The following C1QTNF2 variants were observed in gnomAD, a reference collection of about 807,000 sequenced individuals.
The protein encoded by C1QTNF2 is C1q and TNF related 2, also known as complement C1q tumor necrosis factor-related protein 2.
Under a neutral mutation model 17.4 loss-of-function variants are expected in C1QTNF2, and 15 were observed. The ratio of observed to expected loss-of-function variants is 0.86; its 90% confidence interval spans 0.58 to 1.33. The LOEUF is 1.33. C1QTNF2 is among the 40% of genes most tolerant of loss of function. The probability of loss-of-function intolerance (pLI) is 0.00; values close to 1 mark genes in which losing one functional copy is unlikely to be tolerated. For synonymous variants in C1QTNF2, 154 were observed against 163.3 expected, an observed-to-expected ratio of 0.94 and a Z score of 0.44; for missense variants, 381 against 392.3, an observed-to-expected ratio of 0.97 and a Z score of 0.24.
Position 160,358,094 on chromosome 5 carries a change from G to C in C1QTNF2, c.-9-3074C>G, listed in dbSNP as rs114042964. 6.8e-3 allele frequency among the ~76,000 whole-genome samples: 1,040 copies of C among 152,376 alleles called. 4 individuals carry two copies. The highest frequency in any genetic ancestry group is 0.012 in the South Asian group (60 of 4,834). ...GAAAGCTGGTTTGGGGCAGGCCCCA[G>C]TGCCTGGGTGGAAGGGTGTGTGTCT... On this transcript the variant is annotated intron_variant, in intron 1 of 2. Coordinates refer to ENST00000652664, the MANE Select transcript of C1QTNF2 (RefSeq NM_031908.6).
chr5:160,369,074 A>C (rs1041365571), intron 1 of C1QTNF2, among the ~76,000 whole-genome samples: 1 of 145,466 alleles, frequency 6.9e-6, no homozygotes, highest in Non-Finnish European at 1.5e-5. Context: ...AAAAAAAAAA[A>C]CAGCACAAAT....
chr5:160,352,693 G>A (rs536756519), intron 2 of C1QTNF2, among the ~76,000 whole-genome samples: 13 of 152,306 alleles, frequency 8.5e-5, no homozygotes, highest in Admixed American at 2.6e-4. Flanking sequence ...GTCTGCCGCC[G>A]TGGTCAGGAA....
In C1QTNF2 at chr5:160,349,748, G is replaced by C. The variant is rs1561820795; in HGVS notation, c.278C>G (p.Pro93Arg). The change falls in exon 3 of 3, where the codon CCA (proline) becomes CGA (arginine). Residue 93 changes from proline to arginine, a missense_variant. Physicochemically the swap from Pro to Arg is moderately radical, Grantham distance 103 (BLOSUM62 -2). Coordinates refer to ENST00000652664, the MANE Select transcript of C1QTNF2 (RefSeq NM_031908.6). The surrounding 1 kb of genome is among the most constrained non-coding windows in gnomAD (Gnocchi z 4.3). ...PPGRTGNRGK[P>R]GPKGKAGAIG... ...GGCCCCGGCTTTGCCCTTTGGTCCT[G>C]GCTTTCCCCGGTTACCTGTCCGGCC... The C allele has an allele frequency of 6.5e-7, 1 of 1,536,226 alleles. No homozygotes were observed. The highest frequency in any genetic ancestry group is 8.7e-7 in the Non-Finnish European group (1 of 1,151,274).
At chr5:160,356,067 C>T (rs1405899658) in intron 1 of C1QTNF2, among the ~76,000 whole-genome samples, 2 of 152,198 alleles carry the variant, frequency 1.3e-5, no homozygotes, top group African/African-American at 4.8e-5. Flanking sequence ...GTGCTATGCA[C>T]CTGGAGGTAT....
At position 160,357,260 on chromosome 5, in the gene C1QTNF2, G is replaced by T. The variant is rs562739900; in HGVS notation, c.-9-2240C>A. Among the ~76,000 whole-genome samples, 13 of 152,318 alleles carry T rather than the reference G, an allele frequency of 8.5e-5. No individual in the cohort carries two copies. In the South Asian group the frequency reaches 2.1e-3, roughly 24 times the overall value. On this transcript the variant is annotated intron_variant, in intron 1 of 2. Transcript: ENST00000652664. ...ACCTTCGAATGGAAATTGAGGTGTG[G>T]GTTGCCTGGGAGTGGAGACTTCAAC...
At chr5:160,366,893 G>A (rs1764257014) in intron 1 of C1QTNF2, among the ~76,000 whole-genome samples, 1 of 134,422 alleles carries the variant, frequency 7.4e-6, no homozygotes, top group Non-Finnish European at 1.8e-5. Flanking sequence ...GCGTGGTGGT[G>A]CATGCCTGTA....
intron 1 of C1QTNF2, among the ~76,000 whole-genome samples, chr5:160,361,691 G>A (rs552284138): frequency 2.0e-5 from 3 of 152,260 alleles, no homozygotes; most frequent in African/African-American, 4.8e-5. Context: ...AACGCTCCAC[G>A]GTTGGAAAGA....
chr5:160,353,309 G>T (rs1004660178), intron 2 of C1QTNF2, among the ~76,000 whole-genome samples: 1 of 152,202 alleles, frequency 6.6e-6, no homozygotes, highest in African/African-American at 2.4e-5. Context: ...ACTGAAAAGT[G>T]CTTGGTTGCT....
At position 160,349,111 on chromosome 5, in the gene C1QTNF2, C is replaced by T. The variant is rs1479959445; in HGVS notation, c.*57G>A. The stretch of plus-strand genomic sequence containing the variant: ...CCCAGCCTACAGTTGTGGGGTCTTG[C>T]TCTGTAAGCCCAAGTCCAGAAGCTT... On this transcript the variant is annotated 3_prime_UTR_variant, in exon 3 of 3. Transcript: ENST00000652664. This position sits in a 1 kb window ranked among gnomAD's most constrained non-coding sequence, Gnocchi z 4.3. 3.2e-6 allele frequency: 5 copies of T among 1,551,474 alleles called. No homozygotes were observed. The highest frequency in any genetic ancestry group is 1.3e-5 in the South Asian group (1 of 79,706).
Position 160,370,589 on chromosome 5 carries a change from C to A in C1QTNF2, c.-87G>T. On this transcript the variant is annotated 5_prime_UTR_variant, in exon 1 of 3. The change abolishes the stop of an existing upstream ORF in the 5' untranslated region. Coordinates refer to ENST00000652664, the MANE Select transcript of C1QTNF2 (RefSeq NM_031908.6). ...CGGGGCTCCGCGTCCCGGCTTTCCT[C>A]AGCGGCAGCAGCCGGGCAGAGCGTC... The A allele has an allele frequency of 6.9e-7, 1 of 1,451,358 alleles. No individual in the cohort carries two copies. 89.9% of individuals were successfully genotyped at this position (1,451,358 alleles called of 1,614,324 possible). A position where few individuals can be genotyped will look rare whatever the true frequency, so the allele number is the denominator to read the frequency against.
chr5:160,357,084 G>T (rs1764064908), intron 1 of C1QTNF2, among the ~76,000 whole-genome samples: 1 of 152,202 alleles, frequency 6.6e-6, no homozygotes, highest in Non-Finnish European at 1.5e-5. Flanking sequence ...ACACAGAGCA[G>T]TCTAGGCCCG....
intron 1 of C1QTNF2, among the ~76,000 whole-genome samples, chr5:160,363,406 T>G (rs1764188925): frequency 6.6e-6 from 1 of 152,226 alleles, no homozygotes; most frequent in Non-Finnish European, 1.5e-5. Flanking sequence ...TTAAAAGTCC[T>G]GGGGCCCACT....
intron 1 of C1QTNF2, among the ~76,000 whole-genome samples, chr5:160,357,946 C>A (rs943175646): frequency 1.2e-4 from 19 of 152,214 alleles, no homozygotes; most frequent in African/African-American, 4.3e-4. Context: ...GCTGACAACT[C>A]CCCTCTCTCT....
chr5:160,357,103 G>C (rs775874077), intron 1 of C1QTNF2, among the ~76,000 whole-genome samples: 6 of 152,122 alleles, frequency 3.9e-5, no homozygotes, highest in African/African-American at 1.4e-4. Flanking sequence ...CGCCCCAGTC[G>C]TGAAACATCT....
intron 2 of C1QTNF2, 137 bp downstream of exon 2, chr5:160,354,631 T>TATATATATATATATATATATATATAG: frequency 4.5e-6 from 1 of 223,554 alleles, no homozygotes. Context: ...TATATATATA[T>TATATATATATATATATATATATATAG]ATAGATTTAT....
intron 1 of C1QTNF2, among the ~76,000 whole-genome samples, chr5:160,361,534 C>T (rs576021307): frequency 1.6e-4 from 24 of 152,268 alleles, no homozygotes; most frequent in East Asian, 5.8e-4. Context: ...CATTTAACTC[C>T]GTGGTTAAGA....
intron 2 of C1QTNF2, among the ~76,000 whole-genome samples, chr5:160,351,422 T>C (rs1254429627): frequency 6.6e-6 from 1 of 152,246 alleles, no homozygotes; most frequent in Non-Finnish European, 1.5e-5. Context: ...CTTTGTTTCT[T>C]ATACATTTGT....
Position 160,370,379 on chromosome 5 carries a change from G to T in C1QTNF2, c.-10+133C>A, listed in dbSNP as rs1053456827. The T allele has an allele frequency of 3.6e-4, 416 of 1,167,396 alleles. 5 individuals are homozygous for T. In the Admixed American group the frequency reaches 3.9e-3, roughly 11 times the overall value. 72.3% of individuals were successfully genotyped at this position (1,167,396 alleles called of 1,614,324 possible). A position where few individuals can be genotyped will look rare whatever the true frequency, so the allele number is the denominator to read the frequency against. The stretch of plus-strand genomic sequence containing the variant: ...GAGGCAGGAATGCAGGAGCTGCCCA[G>T]CCCGCAATAAAGGCGCGCTGGCAGC... On this transcript the variant is annotated intron_variant, in intron 1 of 2. Coordinates refer to ENST00000652664, the MANE Select transcript of C1QTNF2 (RefSeq NM_031908.6).
At chr5:160,354,108 G>A (rs2113509665) in intron 2 of C1QTNF2, among the ~76,000 whole-genome samples, 1 of 152,158 alleles carries the variant, frequency 6.6e-6, no homozygotes, top group Admixed American at 6.5e-5. Flanking sequence ...CTGGCCTGAT[G>A]TCTCAGTTTT....
Sources: gnomAD v4.1 joint callset for allele counts (sites outside exome capture counted in the v4.1 genomes callset) on GRCh38, gnomAD v4.1.1 for gene constraint, Gnocchi (gnomAD v3.1) non-coding constraint, MANE v1.5 for transcripts, NCBI Gene and HGNC (gene_info 2026-07-23, HGNC 2026-07-21) for gene names.